Variants in CR1 observed in about 807,000 individuals in gnomAD.
The protein encoded by CR1 is complement receptor type 1.
CR1 carries 116 observed loss-of-function variants against 187.3 expected under a neutral mutation model. That is an observed-to-expected ratio of 0.62 (90% confidence interval 0.53 to 0.72). The LOEUF (loss-of-function observed/expected upper bound fraction) is 0.72. CR1 is among the 30% of genes least tolerant of loss of function. The probability of loss-of-function intolerance (pLI) is 0.00; values close to 1 mark genes in which losing one functional copy is unlikely to be tolerated. For missense variants in CR1, 1,731 were observed against 2,110.7 expected (o/e 0.82, Z 3.52); for synonymous variants, 576 against 747.1 (o/e 0.77, Z 3.73).
At chr1:207,521,226 C>T (rs1183006954) in intron 4 of CR1, among the ~76,000 whole-genome samples, 3 of 152,058 alleles carry the variant, frequency 2.0e-5, no homozygotes, top group Non-Finnish European at 4.4e-5. Flanking sequence ...ATCTGCCCAC[C>T]TCGGCCTCCC....
intron 1 of CR1, among the ~76,000 whole-genome samples, chr1:207,503,436 AGATCCATAGG>A (rs1317953147): frequency 6.6e-6 from 1 of 152,216 alleles, no homozygotes; most frequent in African/African-American, 2.4e-5. Context: ...CGTCTAAAAT[AGATCCATAGG>A]GCTGTGTTCC....
chr1:207,568,183 T>C lies in CR1; in HGVS notation c.4171+141T>C, dbSNP rs571925177. 4.2e-5 allele frequency: 56 copies of C among 1,342,300 alleles called. No homozygotes were observed. The East Asian group carries it at 9.1e-4, about 22-fold the overall frequency. The allele number at this position is 1,342,300 out of a possible 1,614,324, so 83.1% of individuals were successfully genotyped here. On this transcript the variant is annotated intron_variant, in intron 25 of 46. Coordinates refer to ENST00000367049, the MANE Select transcript of CR1 (RefSeq NM_000651.6). ...ATGCCAAACCAATGATAGATGGTTC[T>C]AAGGTAGGTCAACACATAAGATCCT...
chr1:207,628,939 G>A (rs376277212), intron 45 of CR1, among the ~76,000 whole-genome samples: 19 of 152,094 alleles, frequency 1.2e-4, no homozygotes, highest in Admixed American at 7.2e-4. Flanking sequence ...ATTTCCTGGC[G>A]TTTCACACAG....
At chr1:207,627,713 C>T (rs536708774) in intron 45 of CR1, among the ~76,000 whole-genome samples, 6 of 152,168 alleles carry the variant, frequency 3.9e-5, no homozygotes, top group African/African-American at 1.2e-4. Flanking sequence ...GAGTTTAAGG[C>T]CAGCCTGGGC....
In CR1 at chr1:207,517,281, C is replaced by T. The variant is rs139163220; in HGVS notation, c.487+5627C>T. On this transcript the variant is annotated intron_variant, in intron 4 of 46. Transcript: ENST00000367049. ...GATTATCCTATGTATGGGGGATATG[C>T]GTGTGTGTGTGTGCAGGATTGCTCA... is the stretch of plus-strand genomic sequence containing the variant. 5.3e-5 allele frequency among the ~76,000 whole-genome samples: 8 copies of T among 151,644 alleles called. No homozygotes were observed. In the East Asian group the frequency reaches 1.2e-3, roughly 22 times the overall value.
chr1:207,587,689 A>T, intron 34 of CR1, 124 bp downstream of exon 34: 1 of 868,268 alleles, frequency 1.2e-6, no homozygotes, highest in African/African-American at 1.7e-5. Context: ...GCTTGAACTC[A>T]GGAGTTCGCA....
chr1:207,518,143 T>C (rs762834946), intron 4 of CR1, among the ~76,000 whole-genome samples: 2 of 152,216 alleles, frequency 1.3e-5, no homozygotes, highest in Non-Finnish European at 2.9e-5. Context: ...AATCTTTATA[T>C]TTTTATTATC....
At chr1:207,565,995 C>A in intron 24 of CR1, 72 bp downstream of exon 24, 1 of 1,563,498 alleles carries the variant, frequency 6.4e-7, no homozygotes, top group Non-Finnish European at 8.8e-7. Context: ...TATGGCCTCC[C>A]TCAATGTGAT....
At chr1:207,504,475 C>T (rs1261004682) in intron 1 of CR1, among the ~76,000 whole-genome samples, 1 of 147,856 alleles carries the variant, frequency 6.8e-6, no homozygotes, top group Non-Finnish European at 1.5e-5. Flanking sequence ...GACAAATGTA[C>T]AATAAATAAA....
intron 45 of CR1, among the ~76,000 whole-genome samples, chr1:207,629,533 C>T (rs1662582042): frequency 6.6e-6 from 1 of 152,206 alleles, no homozygotes; most frequent in Non-Finnish European, 1.5e-5. Context: ...CCTGTGAAAA[C>T]TCTGCCCCCT....
At chr1:207,620,097 C>T in intron 43 of CR1, 32 bp downstream of exon 43, 1 of 1,589,052 alleles carries the variant, frequency 6.3e-7, no homozygotes, top group Non-Finnish European at 8.6e-7. Flanking sequence ...GTGGGATCTT[C>T]CCGGTCATGG....
chr1:207,515,319 C>CATATATATAGTGT (rs1659776918), intron 4 of CR1, among the ~76,000 whole-genome samples: 1 of 148,660 alleles, frequency 6.7e-6, no homozygotes, highest in African/African-American at 2.5e-5. Flanking sequence ...TATATATACA[C>CATATATATAGTGT]ATATATATAG....
intron 41 of CR1, among the ~76,000 whole-genome samples, chr1:207,617,610 TATAGAGAGAGAGAGAGAGAGAGAG>T (rs1175193024): frequency 3.2e-3 from 30 of 9,318 alleles, no homozygotes; most frequent in Non-Finnish European, 4.9e-3. Flanking sequence ...TATATATATA[TATAGAGAGAGAGAGAGAGAGAGAG>T]AGAGAGAGAG....
intron 3 of CR1, chr1:207,507,068 A>T (rs1021569480): frequency 7.7e-6 from 3 of 390,520 alleles, no homozygotes; most frequent in African/African-American, 6.2e-5. Flanking sequence ...GGGAAGGAAG[A>T]AAATGGGGGA....
At chr1:207,498,516 GA>G (rs1226527945) in intron 1 of CR1, among the ~76,000 whole-genome samples, 3 of 151,912 alleles carry the variant, frequency 2.0e-5, no homozygotes, top group African/African-American at 7.2e-5. Flanking sequence ...TGAAAAATGT[GA>G]AAAAAAGAAC....
chr1:207,575,223 A>G (rs937325305), intron 27 of CR1, among the ~76,000 whole-genome samples: 1 of 152,000 alleles, frequency 6.6e-6, no homozygotes, highest in Non-Finnish European at 1.5e-5. Context: ...ACACACACAC[A>G]CACACACACA....
At position 207,639,905 on chromosome 1, in the gene CR1, G is replaced by A. The variant is rs1662928991; in HGVS notation, c.*496G>A. On this transcript the variant is annotated 3_prime_UTR_variant, in exon 47 of 47. Transcript: ENST00000367049. ...TTTCTGCCTATCTTCTTTCACATAT[G>A]TGTTTTTTTACATACGTACTTTTCC... 6.5e-6 allele frequency: 1 copy of A among 152,778 alleles called. No individual in the cohort carries two copies. The highest frequency in any genetic ancestry group is 1.5e-5 in the Non-Finnish European group (1 of 68,510). The allele number at this position is 152,778 out of a possible 1,614,324, so 9.5% of individuals were successfully genotyped here.
In CR1 at chr1:207,607,316, AG is replaced by A; in HGVS notation, c.5877del (p.Lys1960ArgfsTer35). ...LVSGNNVTWD[K>X]KAPICEIISC... ...TCAGGCAATAATGTCACATGGGATAAGAAGGCACCTATTTGTGAGAGTAAGT... is the reference window on the plus strand; with the variant it reads ...TCAGGCAATAATGTCACATGGGATAAAAGGCACCTATTTGTGAGAGTAAGT... On this transcript the variant is annotated frameshift_variant, in exon 36 of 47. Transcript: ENST00000367049. LOFTEE classifies it high-confidence loss of function. 6.2e-7 allele frequency: 1 copy of A among 1,612,998 alleles called. No homozygotes were observed. Among genetic ancestry groups the A allele is most frequent in the Non-Finnish European group, 8.5e-7 (1 of 1,179,018 alleles).
chr1:207,622,964 G>T, intron 44 of CR1, 29 bp from the exon 45 acceptor site: 1 of 1,452,292 alleles, frequency 6.9e-7, no homozygotes, highest in Non-Finnish European at 9.5e-7. Flanking sequence ...TATTTTCCAT[G>T]CATTTAATTA....
Sources: gnomAD v4.1 joint callset for allele counts (sites outside exome capture counted in the v4.1 genomes callset) on GRCh38, gnomAD v4.1.1 for gene constraint, MANE v1.5 for transcripts, NCBI Gene and HGNC (gene_info 2026-07-23, HGNC 2026-07-21) for gene names.